MB: variants seen among roughly 807,000 people sequenced by gnomAD.
MB encodes the protein myoglobin.
Under a neutral mutation model 14.5 loss-of-function variants are expected in MB, and 10 were observed. The observed-to-expected ratio is 0.69, with a 90% CI of 0.43 to 1.17. The LOEUF is 1.17. Among genes scored for constraint, MB ranks in the 50% most tolerant of loss-of-function variants. The pLI is 0.00. For missense variants in MB, 169 were observed against 192.7 expected (o/e 0.88, Z 0.73); for synonymous variants, 89 against 78.6 (o/e 1.13, Z -0.70).
At position 35,607,247 on chromosome 22, in the gene MB, T is replaced by C. The variant is rs570892827; in HGVS notation, c.*50A>G. 4 of 1,574,724 alleles carry C rather than the reference T, an allele frequency of 2.5e-6. No individual in the cohort carries two copies. The highest frequency in any genetic ancestry group is 2.3e-5 in the East Asian group (1 of 44,258). On this transcript the variant is annotated 3_prime_UTR_variant, in exon 3 of 3. Transcript: ENST00000397326. ...ATGGCTACACGAGATCAGACCCCGC[T>C]CTCTCTTGAACCCGGGGCCCAGATG...
intron 2 of MB, among the ~76,000 whole-genome samples, chr22:35,610,374 T>C (rs1323350301): frequency 6.6e-6 from 1 of 152,112 alleles, no homozygotes; most frequent in East Asian, 1.9e-4. Flanking sequence ...CCACCCCAAA[T>C]TGAGCCCCAC....
At position 35,608,567 on chromosome 22, in the gene MB, G is replaced by T. The variant is rs973389906; in HGVS notation, c.319-1124C>A. 3.9e-5 allele frequency among the ~76,000 whole-genome samples: 6 copies of T among 152,180 alleles called. No homozygotes were observed. The highest frequency in any genetic ancestry group is 1.4e-4 in the African/African-American group (6 of 41,444). On this transcript the variant is annotated intron_variant, in intron 2 of 2. Transcript: ENST00000397326. This position sits in a 1 kb window ranked among gnomAD's most constrained non-coding sequence, Gnocchi z 4.3. The stretch of plus-strand genomic sequence containing the variant: ...GGGAAAGAGGGGCAGCTCCACAAAC[G>T]CCTACTCTTGGGCATCAAGGTGGAT...
At chr22:35,611,136 A>G in intron 1 of MB, 30 bp from the exon 2 acceptor site, 3 of 1,553,074 alleles carry the variant, frequency 1.9e-6, no homozygotes, top group Non-Finnish European at 2.7e-6. Flanking sequence ...TGGAGTCGGC[A>G]TGGGAGGTGC....
At chr22:35,617,576 G>A (rs1393044553), upstream of MB, 2 of 310,666 alleles carry the variant, frequency 6.4e-6, no homozygotes, top group African/African-American at 2.2e-5. Context: ...AAGGGGAGGA[G>A]GTTGGGCACT....
intron 1 of MB, among the ~76,000 whole-genome samples, chr22:35,613,965 G>A (rs1922863373): frequency 6.6e-6 from 1 of 152,220 alleles, no homozygotes; most frequent in Non-Finnish European, 1.5e-5. Context: ...TCCGGAAAAT[G>A]AACAGATGAA....
At chr22:35,609,459 G>A (rs1176560914) in intron 2 of MB, among the ~76,000 whole-genome samples, 3 of 152,172 alleles carry the variant, frequency 2.0e-5, no homozygotes, top group Non-Finnish European at 4.4e-5. Flanking sequence ...CGCTGGTGAT[G>A]TGGAGCAGTT....
At chr22:35,610,827 A>C in intron 2 of MB, 57 bp downstream of exon 2, 1 of 1,419,622 alleles carries the variant, frequency 7.0e-7, no homozygotes, top group Non-Finnish European at 9.8e-7. Flanking sequence ...CCCAGATCCC[A>C]TTGCCCCACC....
rs183155702 is a variant in MB, at chr22:35,614,070, G to A, written c.96-2964C>T. On this transcript the variant is annotated intron_variant, in intron 1 of 2. Transcript: ENST00000397326. ...GTTTCCAGCTTCAACCCTGCTGTCA[G>A]TGGGCCTGGTTCATCAGACAGATCT... 7.2e-5 allele frequency among the ~76,000 whole-genome samples: 11 copies of A among 152,346 alleles called. No homozygotes were observed. The East Asian group carries it at 2.1e-3, about 29-fold the overall frequency.
intron 1 of MB, among the ~76,000 whole-genome samples, chr22:35,612,721 T>C (rs1156984827): frequency 6.6e-6 from 1 of 152,232 alleles, no homozygotes; most frequent in Non-Finnish European, 1.5e-5. Context: ...TCTGGCTTCA[T>C]GTCTATACTC....
At chr22:35,617,818 G>A (rs539685845), upstream of MB, among the ~76,000 whole-genome samples, 8 of 152,254 alleles carry the variant, frequency 5.3e-5, no homozygotes, top group South Asian at 4.1e-4. Flanking sequence ...GAAAGGAACC[G>A]GATGGTTTTG....
chr22:35,617,160 T>A lies in MB; in HGVS notation c.95+3A>T. On this transcript the variant is annotated splice_donor_region_variant and intron_variant, in intron 1 of 2. Coordinates refer to ENST00000397326, the MANE Select transcript of MB (RefSeq NM_005368.3). The stretch of plus-strand genomic sequence containing the variant: ...CAGGGGCAATGGAATCTCTTCCTTT[T>A]ACCTGATGAGGACTTCCTGCCCATG... 1 of 1,611,662 alleles carries A rather than the reference T, an allele frequency of 6.2e-7. No homozygotes were observed. Among genetic ancestry groups the A allele is most frequent in the Non-Finnish European group, 8.5e-7 (1 of 1,177,726 alleles).
chr22:35,611,486 G>C (rs1922626795), intron 1 of MB, among the ~76,000 whole-genome samples: 1 of 152,166 alleles, frequency 6.6e-6, no homozygotes, highest in Non-Finnish European at 1.5e-5. Context: ...TCTAGTCCAC[G>C]CTGCGACCAT....
chr22:35,616,602 T>C (rs1466147882), intron 1 of MB, among the ~76,000 whole-genome samples: 3 of 152,160 alleles, frequency 2.0e-5, no homozygotes, highest in African/African-American at 4.8e-5. Flanking sequence ...TCACATCTCC[T>C]CTAGGATATA....
chr22:35,621,508 C>T (rs1923458410), upstream of MB, among the ~76,000 whole-genome samples: 1 of 152,136 alleles, frequency 6.6e-6, no homozygotes. Context: ...AATTATAGGG[C>T]CATAGTATCT....
rs1922318988 is a variant in MB, at chr22:35,608,451, G to C, written c.319-1008C>G. On this transcript the variant is annotated intron_variant, in intron 2 of 2. Transcript: ENST00000397326. The surrounding 1 kb of genome is among the most constrained non-coding windows in gnomAD (Gnocchi z 4.3). ...GGTTTCTCGTTTTCTCAGGGCCCCAGGGTGCAAGTGACATAAAGCAGGGAT... is the reference window on the plus strand; with the variant it reads ...GGTTTCTCGTTTTCTCAGGGCCCCACGGTGCAAGTGACATAAAGCAGGGAT... Among the ~76,000 whole-genome samples, 1 of 152,198 alleles carries C rather than the reference G, an allele frequency of 6.6e-6. No homozygotes were observed.
intron 1 of MB, chr22:35,615,812 G>A (rs946627931): frequency 6.6e-6 from 1 of 152,204 alleles, no homozygotes; most frequent in Admixed American, 6.5e-5. Flanking sequence ...AGCACTTTGT[G>A]CAATCCAACA....
rs1922203091 is a variant in MB at position 35,607,199 on chromosome 22, A to G, written c.*98T>C. 2.9e-6 allele frequency: 4 copies of G among 1,387,634 alleles called. No homozygotes were observed. Among genetic ancestry groups the G allele is most frequent in the Non-Finnish European group, 2.9e-6 (3 of 1,031,578 alleles). 86.0% of individuals were successfully genotyped at this position (1,387,634 alleles called of 1,614,324 possible). ...CCTGCCCACCTCTACTAAACAAAGC[A>G]GACACTCAGAAGCAAACTCTATATG... is the stretch of plus-strand genomic sequence containing the variant. On this transcript the variant is annotated 3_prime_UTR_variant, in exon 3 of 3. Coordinates refer to ENST00000397326, the MANE Select transcript of MB (RefSeq NM_005368.3).
chr22:35,618,675 A>T (rs958874153), upstream of MB, among the ~76,000 whole-genome samples: 1 of 151,678 alleles, frequency 6.6e-6, no homozygotes, highest in Non-Finnish European at 1.5e-5. Flanking sequence ...CTCTTTGTCT[A>T]TCCAGGCATT....
Position 35,607,201 on chromosome 22 carries a change from A to G in MB, c.*96T>C. ...TGCCCACCTCTACTAAACAAAGCAG[A>G]CACTCAGAAGCAAACTCTATATGGC... is the stretch of plus-strand genomic sequence containing the variant. On this transcript the variant is annotated 3_prime_UTR_variant, in exon 3 of 3. Coordinates refer to ENST00000397326, the MANE Select transcript of MB (RefSeq NM_005368.3). 7.2e-7 allele frequency: 1 copy of G among 1,396,524 alleles called. No individual in the cohort carries two copies. Among genetic ancestry groups the G allele is most frequent in the Non-Finnish European group, 9.6e-7 (1 of 1,039,570 alleles). 86.5% of individuals were successfully genotyped at this position (1,396,524 alleles called of 1,614,324 possible). A position where few individuals can be genotyped will look rare whatever the true frequency, so the allele number is the denominator to read the frequency against.
Sources: gnomAD v4.1 joint callset for allele counts (sites outside exome capture counted in the v4.1 genomes callset) on GRCh38, gnomAD v4.1.1 for gene constraint, Gnocchi (gnomAD v3.1) non-coding constraint, MANE v1.5 for transcripts, NCBI Gene and HGNC (gene_info 2026-07-23, HGNC 2026-07-21) for gene names.